CADM2: variants seen among roughly 807,000 people sequenced by gnomAD.
CADM2 encodes cell adhesion molecule 2, also known as immunoglobulin superfamily member 4D.
In CADM2, 12 loss-of-function variants were observed where a neutral mutation model predicts 49.8. The observed-to-expected ratio is 0.24, with a 90% CI of 0.15 to 0.39. CADM2 has a LOEUF of 0.39. Among genes scored for constraint, CADM2 ranks in the 10% least tolerant of loss-of-function variants. The pLI is 1.00. For missense variants in CADM2, 378 were observed against 492.3 expected (o/e 0.77, Z 2.20); for synonymous variants, 214 against 175.4 (o/e 1.22, Z -1.74).
chr3:85,557,955 C>A (rs1198041702), intron 1 of CADM2, among the ~76,000 whole-genome samples: 6 of 151,988 alleles, frequency 3.9e-5, no homozygotes, highest in African/African-American at 1.2e-4. Flanking sequence ...AAAGAGAAAA[C>A]CTGTCTTTAG....
At chr3:85,623,211 T>G (rs1460975842) in intron 1 of CADM2, among the ~76,000 whole-genome samples, 1 of 152,144 alleles carries the variant, frequency 6.6e-6, no homozygotes, top group Non-Finnish European at 1.5e-5. Context: ...ACATACGACT[T>G]TCTTCCTCAA....
At chr3:86,043,756 A>C (rs910987114) in intron 8 of CADM2, among the ~76,000 whole-genome samples, 1 of 152,208 alleles carries the variant, frequency 6.6e-6, no homozygotes, top group Non-Finnish European at 1.5e-5. Flanking sequence ...TTGCCAAGTC[A>C]ATCCTAAGCC....
intron 7 of CADM2, among the ~76,000 whole-genome samples, chr3:85,942,726 G>C (rs1722101360): frequency 6.6e-6 from 1 of 151,706 alleles, no homozygotes; most frequent in African/African-American, 2.4e-5. Flanking sequence ...TCTTAATCCA[G>C]TCTATCATTG....
intron 2 of CADM2, 106 bp from the exon 3 acceptor site, chr3:85,801,941 G>A: frequency 3.2e-6 from 3 of 926,016 alleles, no homozygotes; most frequent in Non-Finnish European, 4.7e-6. Flanking sequence ...TTGTTTGGTT[G>A]TTTTAAATTT....
At chr3:85,056,344 C>T (rs1294385342) in intron 1 of CADM2, among the ~76,000 whole-genome samples, 2 of 151,968 alleles carry the variant, frequency 1.3e-5, no homozygotes, top group African/African-American at 4.8e-5. Flanking sequence ...TTTAAGTGTG[C>T]TTTTAGAATT....
chr3:85,096,892 GTTAT>G (rs2037818120), intron 1 of CADM2, among the ~76,000 whole-genome samples: 1 of 151,140 alleles, frequency 6.6e-6, no homozygotes, highest in Non-Finnish European at 1.5e-5. Flanking sequence ...GGACTGTCAA[GTTAT>G]TTTTTTCTGC....
intron 8 of CADM2, among the ~76,000 whole-genome samples, chr3:85,985,728 AT>A (rs1728021357): frequency 6.6e-6 from 1 of 152,026 alleles, no homozygotes; most frequent in Admixed American, 6.6e-5. Flanking sequence ...AAAGATCTTA[AT>A]AAATAACTAC....
chr3:86,009,442 A>T (rs1731220552), intron 8 of CADM2, among the ~76,000 whole-genome samples: 1 of 151,560 alleles, frequency 6.6e-6, no homozygotes, highest in Non-Finnish European at 1.5e-5. Flanking sequence ...TATTTTAGGA[A>T]GAAGATCACT....
chr3:85,754,874 C>T (rs2069036275), intron 2 of CADM2, among the ~76,000 whole-genome samples: 1 of 152,012 alleles, frequency 6.6e-6, no homozygotes, highest in African/African-American at 2.4e-5. Flanking sequence ...TTAAAAGCAG[C>T]GTGCAACTCA....
At chr3:85,637,102 T>A (rs1480946269) in intron 1 of CADM2, among the ~76,000 whole-genome samples, 1 of 152,234 alleles carries the variant, frequency 6.6e-6, no homozygotes, top group African/African-American at 2.4e-5. Context: ...GTACCTGGCA[T>A]GATTAAATCA....
intron 5 of CADM2, among the ~76,000 whole-genome samples, chr3:85,909,595 C>G (rs554435929): frequency 6.6e-6 from 1 of 152,196 alleles, no homozygotes; most frequent in South Asian, 2.1e-4. Flanking sequence ...GGGCTAGCAG[C>G]AGACTCTCAG....
rs915935161 is a variant in CADM2, at chr3:85,211,564, C to T, written c.61+251896C>T. The stretch of plus-strand genomic sequence containing the variant: ...AGCCTTCTGGTCACCCAAGAGTTTA[C>T]TAATTTCCATATGTATGTATAGTTT... On this transcript the variant is annotated intron_variant, in intron 1 of 9. Coordinates refer to ENST00000383699, the MANE Select transcript of CADM2 (RefSeq NM_001167675.2). Among the ~76,000 whole-genome samples, 7 of 152,020 alleles carry T rather than the reference C, an allele frequency of 4.6e-5. No individual in the cohort carries two copies. The South Asian group carries it at 6.2e-4, about 13-fold the overall frequency.
intron 1 of CADM2, among the ~76,000 whole-genome samples, chr3:85,184,404 T>C (rs1193074577): frequency 6.6e-6 from 1 of 152,104 alleles, no homozygotes; most frequent in African/African-American, 2.4e-5. Flanking sequence ...AATGACCTAA[T>C]ACTTATTGCA....
intron 1 of CADM2, among the ~76,000 whole-genome samples, chr3:85,416,058 A>G (rs992029291): frequency 6.6e-6 from 1 of 152,156 alleles, no homozygotes; most frequent in African/African-American, 2.4e-5. Flanking sequence ...TTTTATACCA[A>G]AACATTTCTT....
intron 2 of CADM2, among the ~76,000 whole-genome samples, chr3:85,754,586 C>A (rs1389746521): frequency 6.6e-6 from 1 of 152,168 alleles, no homozygotes; most frequent in Non-Finnish European, 1.5e-5. Context: ...TAGAACCAAG[C>A]AACCATGGGT....
At chr3:86,059,392 A>G (rs529350651) in intron 8 of CADM2, among the ~76,000 whole-genome samples, 3 of 152,318 alleles carry the variant, frequency 2.0e-5, no homozygotes, top group South Asian at 2.1e-4. Flanking sequence ...ATAATTTGAC[A>G]TAATTTTCTC....
At chr3:85,974,722 T>C (rs185533063) in intron 8 of CADM2, among the ~76,000 whole-genome samples, 15 of 151,806 alleles carry the variant, frequency 9.9e-5, no homozygotes, top group South Asian at 2.1e-4. Flanking sequence ...TTACATTGCA[T>C]TTATTGGCAA....
At chr3:84,999,711 G>A (rs1387541046) in intron 1 of CADM2, among the ~76,000 whole-genome samples, 1 of 152,108 alleles carries the variant, frequency 6.6e-6, no homozygotes, top group East Asian at 1.9e-4. Context: ...TGCACATGTC[G>A]GCAAATGACC....
chr3:85,109,304 A>G (rs1022854370), intron 1 of CADM2, among the ~76,000 whole-genome samples: 2 of 151,984 alleles, frequency 1.3e-5, no homozygotes, highest in African/African-American at 4.8e-5. Flanking sequence ...AAGAAATCGC[A>G]AGTGAAAATA....
Sources: gnomAD v4.1 joint callset for allele counts (sites outside exome capture counted in the v4.1 genomes callset) on GRCh38, gnomAD v4.1.1 for gene constraint, MANE v1.5 for transcripts, NCBI Gene and HGNC (gene_info 2026-07-23, HGNC 2026-07-21) for gene names.